The following TMEM131 variants were observed in gnomAD, a reference collection of about 807,000 sequenced individuals.
TMEM131 encodes the protein transmembrane protein 131, also known as 2610524E03Rik.
In TMEM131, 66 loss-of-function variants were observed where a neutral mutation model predicts 211.6. That is an observed-to-expected ratio of 0.31 (90% CI 0.26 to 0.38). TMEM131 has a LOEUF of 0.38. TMEM131 is among the 10% of genes least tolerant of loss of function. The pLI, the probability that TMEM131 is intolerant of heterozygous loss-of-function variation, is 1.00. For missense variants in TMEM131, 2,036 were observed against 2,299.3 expected, an observed-to-expected ratio of 0.89 and a Z score of 2.34; for synonymous variants, 844 against 841.3, an observed-to-expected ratio of 1.00 and a Z score of -0.06.
intron 11 of TMEM131, among the ~76,000 whole-genome samples, chr2:97,831,518 G>GTA (rs1346947830): frequency 6.6e-6 from 1 of 151,266 alleles, no homozygotes; most frequent in Non-Finnish European, 1.5e-5. Context: ...ACACACATAG[G>GTA]TAGGTACAGA....
chr2:97,931,250 T>A (rs1418803125), intron 1 of TMEM131, among the ~76,000 whole-genome samples: 1 of 151,854 alleles, frequency 6.6e-6, no homozygotes, highest in East Asian at 1.9e-4. Flanking sequence ...CTCAGTAAGA[T>A]CTACTTTAAG....
chr2:97,856,094 A>G (rs1027663869), intron 5 of TMEM131, among the ~76,000 whole-genome samples: 1 of 152,134 alleles, frequency 6.6e-6, no homozygotes, highest in Non-Finnish European at 1.5e-5. Context: ...TAAAGAAAAC[A>G]TTTTTGTTTC....
intron 5 of TMEM131, among the ~76,000 whole-genome samples, chr2:97,848,147 C>T (rs558684118): frequency 6.6e-6 from 1 of 152,288 alleles, no homozygotes; most frequent in African/African-American, 2.4e-5. Flanking sequence ...CAAAACCAGA[C>T]TCACACATAC....
At position 97,792,941 on chromosome 2, in the gene TMEM131, A is replaced by G. The variant is rs777673707; in HGVS notation, c.3589T>C (p.Cys1197Arg). Residue 1197 changes from cysteine (C) to arginine (R), a missense_variant, in exon 31 of 41, where the codon TGT (cysteine) becomes CGT (arginine). Cys to Arg is a radical substitution (Grantham distance 180). Around this residue, in one of 3 missense-constraint regions of TMEM131, gnomAD observed 1,623 missense variants for 1,805.9 expected, o/e 0.90. Coordinates refer to ENST00000186436, the MANE Select transcript of TMEM131 (RefSeq NM_015348.2). ...SCDPGHSRGF[C>R]GAGGSSSRPS... ...CGGGATGATGAACCGCCTGCTCCAC[A>G]GAACCCCCTACTGTGACCGGGGTCA... 6.8e-6 allele frequency: 11 copies of G among 1,608,620 alleles called. No homozygotes were observed. The highest frequency in any genetic ancestry group is 9.3e-6 in the Non-Finnish European group (11 of 1,178,268).
intron 25 of TMEM131, among the ~76,000 whole-genome samples, chr2:97,799,894 A>G (rs1284942997): frequency 1.3e-5 from 2 of 152,216 alleles, no homozygotes; most frequent in African/African-American, 4.8e-5. Flanking sequence ...GTAGAGGCAG[A>G]TATGAGAATC....
rs117460388 is a variant in TMEM131, at chr2:97,872,344, C to T, written c.360-12917G>A. Among the ~76,000 whole-genome samples the T allele has an allele frequency of 3.3e-5, 5 of 152,226 alleles. No homozygotes were observed. The East Asian group carries it at 7.7e-4, about 24-fold the overall frequency. On this transcript the variant is annotated intron_variant, in intron 4 of 40. Coordinates refer to ENST00000186436, the MANE Select transcript of TMEM131 (RefSeq NM_015348.2). ...TGATAGTTTTCAAGCCCCAATGATGCCCCTTTACCTTTAGCCCCAAACCTG... is the reference window on the plus strand; with the variant it reads ...TGATAGTTTTCAAGCCCCAATGATGTCCCTTTACCTTTAGCCCCAAACCTG...
chr2:97,841,965 T>A, intron 6 of TMEM131, 28 bp from the exon 7 acceptor site: 1 of 1,475,566 alleles, frequency 6.8e-7, no homozygotes, highest in Non-Finnish European at 9.1e-7. Flanking sequence ...AAAAATGCAA[T>A]TTTAGTTGCT....
At chr2:97,887,195 G>A (rs2104252045) in intron 4 of TMEM131, among the ~76,000 whole-genome samples, 1 of 152,360 alleles carries the variant, frequency 6.6e-6, no homozygotes, top group South Asian at 2.1e-4. Flanking sequence ...GCCCGAGGAT[G>A]TGTCTGCCAG....
chr2:97,780,692 G>A (rs1357353878), intron 31 of TMEM131, among the ~76,000 whole-genome samples: 3 of 152,082 alleles, frequency 2.0e-5, no homozygotes, highest in Non-Finnish European at 4.4e-5. Flanking sequence ...ACAGAATTCA[G>A]AGGGAGACTG....
chr2:97,771,659 G>A (rs1054780434), intron 33 of TMEM131, among the ~76,000 whole-genome samples: 3 of 152,212 alleles, frequency 2.0e-5, no homozygotes, highest in African/African-American at 7.2e-5. Flanking sequence ...GGTAGATGCT[G>A]AGCCAAGGTT....
intron 4 of TMEM131, among the ~76,000 whole-genome samples, chr2:97,881,672 G>A (rs1674935695): frequency 7.6e-6 from 1 of 132,252 alleles, no homozygotes; most frequent in Non-Finnish European, 1.5e-5. Flanking sequence ...CCCTGAGCTA[G>A]GGACAGGGTG....
intron 3 of TMEM131, among the ~76,000 whole-genome samples, chr2:97,907,523 G>T (rs1676123463): frequency 6.6e-6 from 1 of 152,168 alleles, no homozygotes; most frequent in South Asian, 2.1e-4. Flanking sequence ...GAAGGCCTAG[G>T]AGGAACAAAT....
intron 2 of TMEM131, among the ~76,000 whole-genome samples, chr2:97,915,206 G>A (rs1278015129): frequency 6.6e-6 from 1 of 152,178 alleles, no homozygotes; most frequent in Non-Finnish European, 1.5e-5. Flanking sequence ...TGAGTTTCGA[G>A]AGTTCTTTCT....
intron 31 of TMEM131, among the ~76,000 whole-genome samples, chr2:97,784,314 A>G (rs189620900): frequency 1.3e-5 from 2 of 152,242 alleles, no homozygotes; most frequent in East Asian, 3.9e-4. Flanking sequence ...CAGACCATAT[A>G]CTGGGCCATA....
At chr2:97,971,685 T>C (rs1334349357) in intron 1 of TMEM131, among the ~76,000 whole-genome samples, 3 of 152,178 alleles carry the variant, frequency 2.0e-5, no homozygotes, top group Non-Finnish European at 4.4e-5. Flanking sequence ...AATGTCTTAC[T>C]GTGTGTAGGT....
At chr2:97,919,407 A>G (rs1287900358) in intron 2 of TMEM131, among the ~76,000 whole-genome samples, 2 of 152,068 alleles carry the variant, frequency 1.3e-5, no homozygotes, top group African/African-American at 4.8e-5. Context: ...GGATATTTTC[A>G]TTGGGTATAG....
chr2:97,968,801 G>A (rs551169414), intron 1 of TMEM131, among the ~76,000 whole-genome samples: 4 of 152,194 alleles, frequency 2.6e-5, no homozygotes, highest in East Asian at 1.9e-4. Context: ...TAAGGATATC[G>A]GGCAGGCGCA....
intron 3 of TMEM131, among the ~76,000 whole-genome samples, chr2:97,890,689 C>A (rs1675341812): frequency 1.3e-5 from 2 of 152,216 alleles, no homozygotes; most frequent in Non-Finnish European, 1.5e-5. Flanking sequence ...TAGATTCTCT[C>A]ATGATTTTCC....
chr2:97,897,161 CTG>C (rs1287966927), intron 3 of TMEM131, among the ~76,000 whole-genome samples: 2 of 152,060 alleles, frequency 1.3e-5, no homozygotes, highest in Admixed American at 6.6e-5. Context: ...TGATTACTGA[CTG>C]TATTACTTTT....
Sources: gnomAD v4.1 joint callset for allele counts (sites outside exome capture counted in the v4.1 genomes callset) on GRCh38, gnomAD v4.1.1 for gene constraint, gnomAD v4.1.1 regional missense constraint, MANE v1.5 for transcripts, NCBI Gene and HGNC (gene_info 2026-07-23, HGNC 2026-07-21) for gene names.